The following EBF3 variants were observed in gnomAD, a reference collection of about 807,000 sequenced individuals.
EBF3 encodes the protein EBF transcription factor 3, also known as transcription factor COE3.
Under a neutral mutation model 77.1 loss-of-function variants are expected in EBF3, and 18 were observed. The ratio of observed to expected loss-of-function variants is 0.23; its 90% CI spans 0.16 to 0.35. EBF3 has a LOEUF of 0.35. Ranked by LOEUF, EBF3 falls within the 10% of genes least tolerant of loss-of-function variation. The pLI is 1.00. For missense variants in EBF3, 558 were observed against 860.0 expected (o/e 0.65, Z 4.39); for synonymous variants, 350 against 343.5 (o/e 1.02, Z -0.21).
intron 16 of EBF3, 85 bp downstream of exon 16, chr10:129,838,998 G>T: frequency 8.2e-7 from 1 of 1,225,736 alleles, no homozygotes; most frequent in Non-Finnish European, 1.1e-6. Flanking sequence ...TGGCACGCAG[G>T]CCAGTCGGCG....
chr10:129,909,809 A>G (rs1855396098), intron 6 of EBF3, among the ~76,000 whole-genome samples: 1 of 152,226 alleles, frequency 6.6e-6, no homozygotes, highest in African/African-American at 2.4e-5. Flanking sequence ...CTGGGCTCAC[A>G]GACTCTAAGA....
intron 6 of EBF3, among the ~76,000 whole-genome samples, chr10:129,928,285 A>T (rs1856801470): frequency 6.6e-6 from 1 of 152,224 alleles, no homozygotes; most frequent in Admixed American, 6.5e-5. Context: ...AAAAAATATA[A>T]AAATTAATTA....
chr10:129,927,934 T>C (rs1232190946), intron 6 of EBF3, among the ~76,000 whole-genome samples: 1 of 152,166 alleles, frequency 6.6e-6, no homozygotes, highest in Non-Finnish European at 1.5e-5. Context: ...CGTCTGCATG[T>C]TGTCAAGTGC....
intron 5 of EBF3, 142 bp from the exon 6 acceptor site, chr10:129,957,468 A>T (rs1278788684): frequency 3.1e-6 from 2 of 653,792 alleles, no homozygotes; most frequent in African/African-American, 3.7e-5. Flanking sequence ...AAACCCAGTG[A>T]GTTCACGTGT....
chr10:129,856,419 T>C (rs774384447), intron 10 of EBF3, among the ~76,000 whole-genome samples: 18 of 152,162 alleles, frequency 1.2e-4, no homozygotes, highest in Non-Finnish European at 2.5e-4. Flanking sequence ...AAAACCTTGA[T>C]ACCTGTTACA....
chr10:129,873,436 T>G lies in EBF3; in HGVS notation c.781+16A>C. ...GAAGCATCGCAAATAAAAAAAGACA[T>G]GTAACATGTGCCTACCATTTTCCAG... On this transcript the variant is annotated intron_variant, in intron 8 of 16. Coordinates refer to ENST00000440978, the MANE Select transcript of EBF3 (RefSeq NM_001375380.1). The G allele has an allele frequency of 6.7e-7, 1 of 1,500,730 alleles. No homozygotes were observed. The highest frequency in any genetic ancestry group is 1.3e-5 in the South Asian group (1 of 75,262). 93.0% of individuals were successfully genotyped at this position (1,500,730 alleles called of 1,614,324 possible). A position where few individuals can be genotyped will look rare whatever the true frequency, so the allele number is the denominator to read the frequency against.
chr10:129,957,442 G>T, intron 5 of EBF3, 116 bp from the exon 6 acceptor site: 1 of 797,108 alleles, frequency 1.3e-6, no homozygotes, highest in Non-Finnish European at 2.0e-6. Flanking sequence ...AACTACCAAG[G>T]CAGTTTGGAG....
intron 6 of EBF3, among the ~76,000 whole-genome samples, chr10:129,930,502 ATC>A (rs2134414825): frequency 6.8e-6 from 1 of 146,548 alleles, no homozygotes; most frequent in South Asian, 2.1e-4. Flanking sequence ...ATATATCTAT[ATC>A]TGTCTATATC....
At chr10:129,840,492 C>G (rs778700164) in intron 14 of EBF3, 50 bp from the exon 15 acceptor site, 1 of 1,528,342 alleles carries the variant, frequency 6.5e-7, no homozygotes, top group East Asian at 2.5e-5. Flanking sequence ...CACAGCGCCA[C>G]GGCGAGAGGG....
chr10:129,916,550 G>A (rs1263070723), intron 6 of EBF3, among the ~76,000 whole-genome samples: 1 of 152,204 alleles, frequency 6.6e-6, no homozygotes, highest in African/African-American at 2.4e-5. Context: ...TGAGAGCAGT[G>A]GAGTTGAAGG....
At chr10:129,869,769 G>C (rs1046263019) in intron 8 of EBF3, among the ~76,000 whole-genome samples, 2 of 152,158 alleles carry the variant, frequency 1.3e-5, no homozygotes, top group African/African-American at 2.4e-5. Flanking sequence ...ATCTCCCTCC[G>C]CAGCAGAGGC....
intron 6 of EBF3, among the ~76,000 whole-genome samples, chr10:129,922,972 C>G (rs899864724): frequency 3.9e-5 from 6 of 152,240 alleles, no homozygotes; most frequent in African/African-American, 1.4e-4. Flanking sequence ...CTCTTTCAGG[C>G]CCTGGAGTCA....
Position 129,842,246 on chromosome 10 carries a change from G to A in EBF3, c.1242C>T (p.Ser414=), listed in dbSNP as rs771823461. The A allele has an allele frequency of 2.7e-5, 44 of 1,612,952 alleles. No homozygotes were observed. Among genetic ancestry groups the A allele is most frequent in the Admixed American group, 3.3e-5 (2 of 59,910 alleles). ...RAADIAEALY[S]VPRNHNQIPT... is the part of the protein sequence containing the mutation. Reference sequence around the variant, plus strand: ...GGATCTGGTTGTGATTGCGGGGAACGCTGTACAGCGCCTCGGCGATGTCCG... The same window carrying A: ...GGATCTGGTTGTGATTGCGGGGAACACTGTACAGCGCCTCGGCGATGTCCG... Residue 414 remains serine (S), a synonymous_variant, in exon 13 of 17, where the codon AGC becomes AGT. Transcript: ENST00000440978. This position sits in a 1 kb window ranked among gnomAD's most constrained non-coding sequence, Gnocchi z 4.4.
rs970748695 is a variant in EBF3, at chr10:129,841,087, TGGG to T, written c.1373-58_1373-56del. 6.4e-7 allele frequency: 1 copy of T among 1,572,426 alleles called. No homozygotes were observed. Among genetic ancestry groups the T allele is most frequent in the Admixed American group, 1.7e-5 (1 of 57,866 alleles). On this transcript the variant is annotated intron_variant, in intron 13 of 16. Transcript: ENST00000440978. The surrounding 1 kb of genome is among the most constrained non-coding windows in gnomAD (Gnocchi z 4.6). ...AACATTATTATCAGCGACAGACACT[TGGG>T]GGGGGTTCCCCGAGAATCTATATCA...
At chr10:129,958,912 C>T in intron 5 of EBF3, 22 bp downstream of exon 5, 1 of 1,582,778 alleles carries the variant, frequency 6.3e-7, no homozygotes, top group Non-Finnish European at 8.6e-7. Flanking sequence ...CGCGCCCCCG[C>T]CGCCCGCCGC....
intron 6 of EBF3, among the ~76,000 whole-genome samples, chr10:129,933,256 C>T (rs532705781): frequency 8.3e-4 from 127 of 152,294 alleles, no homozygotes; most frequent in Admixed American, 1.5e-3. Context: ...AACAGCAAAC[C>T]GCAGGGGATG....
chr10:129,841,964 G>C lies in EBF3; in HGVS notation c.1372+152C>G. ...ACTGGCTGGGAGGACCTGCAGCAAG[G>C]TCTTCCTGAGCAAAGGAACCAGCAG... On this transcript the variant is annotated intron_variant, in intron 13 of 16. Transcript: ENST00000440978. This position sits in a 1 kb window ranked among gnomAD's most constrained non-coding sequence, Gnocchi z 4.6. 9.8e-7 allele frequency: 1 copy of C among 1,020,976 alleles called. No individual in the cohort carries two copies. The highest frequency in any genetic ancestry group is 1.4e-6 in the Non-Finnish European group (1 of 714,264). The allele number at this position is 1,020,976 out of a possible 1,614,324, so 63.2% of individuals were successfully genotyped here.
At chr10:129,923,111 G>A (rs981736189) in intron 6 of EBF3, among the ~76,000 whole-genome samples, 2 of 152,152 alleles carry the variant, frequency 1.3e-5, no homozygotes, top group African/African-American at 2.4e-5. Context: ...TGTTGATAAC[G>A]GCAGCAACAA....
Position 129,864,940 on chromosome 10 carries a change from A to G in EBF3, c.1039+2201T>C, listed in dbSNP as rs1255993238. ...GCCTGCCATGTGTTAGACACTGTAC[A>G]TAAGTCATCCCCGATCCTTGCCAAA... On this transcript the variant is annotated intron_variant, in intron 10 of 16. Coordinates refer to ENST00000440978, the MANE Select transcript of EBF3 (RefSeq NM_001375380.1). This position sits in a 1 kb window ranked among gnomAD's most constrained non-coding sequence, Gnocchi z 4.4. Among the ~76,000 whole-genome samples, 3 of 152,224 alleles carry G rather than the reference A, an allele frequency of 2.0e-5. No homozygotes were observed. Among genetic ancestry groups the G allele is most frequent in the Non-Finnish European group, 4.4e-5 (3 of 68,040 alleles).
Sources: allele counts gnomAD v4.1 joint callset (sites outside exome capture counted in the v4.1 genomes callset), GRCh38; gene constraint gnomAD v4.1.1; non-coding constraint Gnocchi (gnomAD v3.1); transcripts MANE v1.5; gene names NCBI Gene and HGNC (gene_info 2026-07-23, HGNC 2026-07-21).